The following TSPAN11 variants were observed in gnomAD, a reference collection of about 807,000 sequenced individuals.
The protein encoded by TSPAN11 is tetraspanin-11.
A neutral mutation model predicts 32.9 loss-of-function variants in TSPAN11; 29 were observed. The ratio of observed to expected loss-of-function variants is 0.88; its 90% CI spans 0.66 to 1.20. The LOEUF is 1.20. Among genes scored for constraint, TSPAN11 ranks in the 50% most tolerant of loss-of-function variants. The pLI, the probability that TSPAN11 is intolerant of heterozygous loss-of-function variation, is 0.00. For missense variants in TSPAN11, 283 were observed against 329.1 expected, an observed-to-expected ratio of 0.86 and a Z score of 1.08; for synonymous variants, 140 against 141.3, an observed-to-expected ratio of 0.99 and a Z score of 0.07.
rs1321392123 is a variant in TSPAN11 at position 30,938,367 on chromosome 12, C to T, written c.-12+11571C>T. Among the ~76,000 whole-genome samples the T allele has an allele frequency of 2.0e-5, 3 of 152,184 alleles. No individual in the cohort carries two copies. The East Asian group carries it at 5.8e-4, about 29-fold the overall frequency. On this transcript the variant is annotated intron_variant, in intron 1 of 7. Coordinates refer to ENST00000546076, the MANE Select transcript of TSPAN11 (RefSeq NM_001370302.1). ...AACTGCTCACCCACTATATACTGTG[C>T]TGCCAAGTCCCTGGTTGGTAACTTC...
intron 1 of TSPAN11, among the ~76,000 whole-genome samples, chr12:30,934,765 T>C (rs1219804231): frequency 1.1e-4 from 16 of 152,092 alleles, no homozygotes; most frequent in Non-Finnish European, 1.5e-5. Context: ...ACACCCCTGC[T>C]CTACATAAAA....
intron 1 of TSPAN11, among the ~76,000 whole-genome samples, chr12:30,927,634 T>C (rs1284343162): frequency 6.6e-6 from 1 of 151,938 alleles, no homozygotes; most frequent in Non-Finnish European, 1.5e-5. Context: ...AACTCATAAG[T>C]GCACTCTGGG....
At chr12:30,965,319 C>T (rs970646876) in intron 3 of TSPAN11, among the ~76,000 whole-genome samples, 5 of 152,174 alleles carry the variant, frequency 3.3e-5, no homozygotes, top group African/African-American at 7.2e-5. Context: ...GCCTCTGGCC[C>T]TCACGCCTGG....
At chr12:30,980,839 C>T (rs771201071) in intron 5 of TSPAN11, among the ~76,000 whole-genome samples, 25 of 152,206 alleles carry the variant, frequency 1.6e-4, no homozygotes, top group Non-Finnish European at 3.5e-4. Context: ...ACACTGCTGG[C>T]CAGCCCTGTG....
At chr12:30,985,777 G>A (rs559224506) in intron 7 of TSPAN11, among the ~76,000 whole-genome samples, 4 of 152,354 alleles carry the variant, frequency 2.6e-5, no homozygotes, top group East Asian at 3.9e-4. Context: ...CAGAGCCGAC[G>A]GTCAAGGTAA....
At chr12:30,987,714 C>T (rs1939227296) in intron 7 of TSPAN11, among the ~76,000 whole-genome samples, 1 of 152,196 alleles carries the variant, frequency 6.6e-6, no homozygotes, top group South Asian at 2.1e-4. Flanking sequence ...AGTGATGCCA[C>T]TATGCGGCCA....
chr12:31,001,901 AAG>A, the TSPAN11 span, among the ~76,000 whole-genome samples: 2 of 152,130 alleles, frequency 1.3e-5, no homozygotes, highest in Non-Finnish European at 2.9e-5. Context: ...GCCCAGTGCT[AAG>A]AGAGAGGCCG....
intron 1 of TSPAN11, among the ~76,000 whole-genome samples, chr12:30,953,479 G>T (rs926396902): frequency 3.9e-5 from 6 of 152,228 alleles, no homozygotes; most frequent in Non-Finnish European, 8.8e-5. Context: ...AGCTGCAGCG[G>T]CCAGGTGGGG....
chr12:30,941,775 A>C (rs1938169442), intron 1 of TSPAN11, among the ~76,000 whole-genome samples: 1 of 152,222 alleles, frequency 6.6e-6, no homozygotes, highest in Non-Finnish European at 1.5e-5. Context: ...GGGGCACCCC[A>C]GCTGCAGTCC....
chr12:30,932,791 G>A (rs1026961305), intron 1 of TSPAN11, among the ~76,000 whole-genome samples: 1 of 152,194 alleles, frequency 6.6e-6, no homozygotes, highest in Non-Finnish European at 1.5e-5. Context: ...CTACGCCATG[G>A]TATCCTGTTT....
intron 1 of TSPAN11, among the ~76,000 whole-genome samples, chr12:30,940,556 G>T (rs898535563): frequency 6.6e-6 from 1 of 152,200 alleles, no homozygotes; most frequent in Non-Finnish European, 1.5e-5. Context: ...TTGACAAGCA[G>T]CATAACATGG....
At chr12:30,969,280 G>A (rs1022972741) in intron 3 of TSPAN11, among the ~76,000 whole-genome samples, 3 of 152,162 alleles carry the variant, frequency 2.0e-5, no homozygotes, top group African/African-American at 4.8e-5. Flanking sequence ...TCCCTGGCTC[G>A]TTTCTTACCT....
chr12:30,961,626 G>C (rs1938615062), intron 2 of TSPAN11, among the ~76,000 whole-genome samples: 1 of 152,006 alleles, frequency 6.6e-6, no homozygotes, highest in Admixed American at 6.5e-5. Flanking sequence ...CTAAGCCTAA[G>C]GACTGGGACG....
intron 5 of TSPAN11, among the ~76,000 whole-genome samples, chr12:30,980,950 A>G (rs1221625787): frequency 6.6e-6 from 1 of 152,202 alleles, no homozygotes; most frequent in Non-Finnish European, 1.5e-5. Context: ...GAAGCTGGAC[A>G]CACAGCAGGC....
the TSPAN11 span, among the ~76,000 whole-genome samples, chr12:31,008,991 A>G: frequency 1.3e-5 from 2 of 152,184 alleles, no homozygotes; most frequent in African/African-American, 4.8e-5. Context: ...GCTTTCAGCA[A>G]TGCTCTGAGC....
intron 2 of TSPAN11, among the ~76,000 whole-genome samples, chr12:30,958,434 G>A (rs1030977075): frequency 6.6e-6 from 1 of 152,132 alleles, no homozygotes; most frequent in Non-Finnish European, 1.5e-5. Context: ...GTGAGCAGCA[G>A]CACCTGATGC....
chr12:30,941,212 C>T (rs557796445), intron 1 of TSPAN11, among the ~76,000 whole-genome samples: 22 of 152,262 alleles, frequency 1.4e-4, no homozygotes, highest in African/African-American at 3.6e-4. Flanking sequence ...TACAGAGGGC[C>T]GACTTTTCAC....
chr12:30,959,335 G>T (rs2140289199), intron 2 of TSPAN11, among the ~76,000 whole-genome samples: 1 of 152,244 alleles, frequency 6.6e-6, no homozygotes, highest in South Asian at 2.1e-4. Context: ...CTCAAAATGG[G>T]CCTTAGAGGG....
chr12:30,962,990 CA>C (rs1360823880), intron 2 of TSPAN11, among the ~76,000 whole-genome samples: 17 of 152,334 alleles, frequency 1.1e-4, no homozygotes, highest in African/African-American at 4.1e-4. Context: ...TAGAACCAGC[CA>C]AGCCGAGCCA....
Sources: gnomAD v4.1 joint callset for allele counts (sites outside exome capture counted in the v4.1 genomes callset) on GRCh38, gnomAD v4.1.1 for gene constraint, MANE v1.5 for transcripts, NCBI Gene and HGNC (gene_info 2026-07-23, HGNC 2026-07-21) for gene names.